The following SBNO1 variants were observed in gnomAD, a reference collection of about 807,000 sequenced individuals.
SBNO1 encodes the protein strawberry notch homolog 1.
A neutral mutation model predicts 173.6 loss-of-function variants in SBNO1; 23 were observed. The ratio of observed to expected loss-of-function variants is 0.13; its 90% CI spans 0.10 to 0.19. The LOEUF (loss-of-function observed/expected upper bound fraction) is 0.19. SBNO1 is among the 10% of genes least tolerant of loss of function. The probability of loss-of-function intolerance (pLI) is 1.00; values close to 1 mark genes in which losing one functional copy is unlikely to be tolerated. For synonymous variants in SBNO1, 632 were observed against 571.5 expected (o/e 1.11, Z -1.51); for missense variants, 1,238 against 1,671.2 (o/e 0.74, Z 4.52).
At chr12:123,364,344 C>G (rs1593437450) in intron 1 of SBNO1, 1 of 985,110 alleles carries the variant, frequency 1.0e-6, no homozygotes, top group East Asian at 1.1e-4. Context: ...AGGCGGAAGC[C>G]AAAGGGGCGA....
At chr12:123,299,829 C>G (rs2048727908) in intron 30 of SBNO1, among the ~76,000 whole-genome samples, 1 of 151,970 alleles carries the variant, frequency 6.6e-6, no homozygotes, top group Admixed American at 6.6e-5. Flanking sequence ...CTCAAGCCCT[C>G]TGTTTAAAAA....
Position 123,340,858 on chromosome 12 carries a change from A to C in SBNO1, c.651+130T>G. 6.2e-6 allele frequency: 4 copies of C among 640,916 alleles called. No individual in the cohort carries two copies. In the South Asian group the frequency reaches 7.2e-5, roughly 12 times the overall value. The allele number at this position is 640,916 out of a possible 1,614,324, so 39.7% of individuals were successfully genotyped here. A position where few individuals can be genotyped will look rare whatever the true frequency, so the allele number is the denominator to read the frequency against. Reference sequence around the variant, plus strand: ...CCAGCGAGGTTTAAGCATATCCATTAGTTCCCACGCCTGTATAGCTTCTTC... The same window carrying C: ...CCAGCGAGGTTTAAGCATATCCATTCGTTCCCACGCCTGTATAGCTTCTTC... On this transcript the variant is annotated intron_variant, in intron 5 of 31. Transcript: ENST00000602398.
chr12:123,343,784 C>T (rs1872808812), intron 4 of SBNO1, among the ~76,000 whole-genome samples: 1 of 152,150 alleles, frequency 6.6e-6, no homozygotes, highest in Non-Finnish European at 1.5e-5. Context: ...GATCCACCCA[C>T]CTTGGGCTCC....
intron 1 of SBNO1, among the ~76,000 whole-genome samples, chr12:123,351,075 T>C (rs1367176291): frequency 2.6e-5 from 4 of 151,998 alleles, no homozygotes; most frequent in African/African-American, 4.8e-5. Context: ...TGAGCCAAGA[T>C]TGTGCCACTG....
chr12:123,317,403 G>A, intron 20 of SBNO1, 47 bp from the exon 21 acceptor site: 1 of 1,573,048 alleles, frequency 6.4e-7, no homozygotes, highest in Non-Finnish European at 8.7e-7. Context: ...ATAAGAACAA[G>A]CAGGCCAGTG....
intron 30 of SBNO1, among the ~76,000 whole-genome samples, 196 bp downstream of exon 30, chr12:123,302,628 T>C (rs754330270): frequency 1.3e-5 from 2 of 152,140 alleles, no homozygotes; most frequent in South Asian, 2.1e-4. Context: ...AAAGCATCAG[T>C]GAAGAGTAAG....
intron 1 of SBNO1, among the ~76,000 whole-genome samples, chr12:123,352,133 T>C (rs1873949580): frequency 6.6e-6 from 1 of 152,224 alleles, no homozygotes. Flanking sequence ...TTCTCATTAA[T>C]TTCCCTGAAA....
chr12:123,343,454 T>C (rs2139048564), intron 4 of SBNO1, among the ~76,000 whole-genome samples: 1 of 152,148 alleles, frequency 6.6e-6, no homozygotes, highest in African/African-American at 2.4e-5. Flanking sequence ...AGTTTCATAT[T>C]TTCAATGTTT....
intron 1 of SBNO1, among the ~76,000 whole-genome samples, chr12:123,359,044 T>G (rs975916054): frequency 6.6e-6 from 1 of 151,534 alleles, no homozygotes; most frequent in Non-Finnish European, 1.5e-5. Context: ...GTGATTCTCC[T>G]GCCTCAGCCT....
chr12:123,359,421 G>A (rs1038265115), intron 1 of SBNO1, among the ~76,000 whole-genome samples: 6 of 151,676 alleles, frequency 4.0e-5, no homozygotes, highest in African/African-American at 1.5e-4. Flanking sequence ...AGGTAGCTGG[G>A]CGTGGTGGCA....
At chr12:123,350,670 A>G (rs577344962) in intron 1 of SBNO1, among the ~76,000 whole-genome samples, 1 of 152,368 alleles carries the variant, frequency 6.6e-6, no homozygotes, top group Non-Finnish European at 1.5e-5. Flanking sequence ...ACAAGTATGC[A>G]TCTACAAAAG....
intron 1 of SBNO1, chr12:123,364,208 G>C (rs1211288339): frequency 5.1e-6 from 5 of 985,500 alleles, no homozygotes; most frequent in Non-Finnish European, 6.0e-6. Context: ...TAGGAAGGAC[G>C]ACCGCGTCGC....
At chr12:123,353,045 G>A (rs569991259) in intron 1 of SBNO1, among the ~76,000 whole-genome samples, 8 of 152,226 alleles carry the variant, frequency 5.3e-5, no homozygotes, top group African/African-American at 1.2e-4. Context: ...CAATCCGTCC[G>A]CCTCGGCTTC....
In SBNO1 at chr12:123,358,398, C is replaced by T. The variant is rs538047482; in HGVS notation, c.-1+6303G>A. On this transcript the variant is annotated intron_variant, in intron 1 of 31. Coordinates refer to ENST00000602398, the MANE Select transcript of SBNO1 (RefSeq NM_001167856.3). ...TTTTTTCTTTTAACCTTCAAGATAA[C>T]CCATGAGTATCAAATGCTACCCATT... Among the ~76,000 whole-genome samples, 11 of 152,270 alleles carry T rather than the reference C, an allele frequency of 7.2e-5. No individual in the cohort carries two copies. The South Asian group carries it at 1.7e-3, about 23-fold the overall frequency.
intron 23 of SBNO1, among the ~76,000 whole-genome samples, chr12:123,314,017 G>C (rs780016599): frequency 6.6e-6 from 1 of 151,940 alleles, no homozygotes; most frequent in Non-Finnish European, 1.5e-5. Flanking sequence ...CTAGGAGGCG[G>C]AGGTTGTAGT....
chr12:123,332,397 T>C (rs1354892215), intron 7 of SBNO1, among the ~76,000 whole-genome samples: 3 of 152,080 alleles, frequency 2.0e-5, no homozygotes, highest in African/African-American at 7.2e-5. Flanking sequence ...GTTCAAGTGA[T>C]TCTCCTGCCT....
Position 123,364,770 on chromosome 12 carries a change from T to C in SBNO1, c.-70A>G. The C allele has an allele frequency of 2.0e-6, 2 of 989,134 alleles. No homozygotes were observed. Among genetic ancestry groups the C allele is most frequent in the Non-Finnish European group, 2.4e-6 (2 of 832,708 alleles). 61.3% of individuals were successfully genotyped at this position (989,134 alleles called of 1,614,324 possible). On this transcript the variant is annotated 5_prime_UTR_variant, in exon 1 of 32. Coordinates refer to ENST00000602398, the MANE Select transcript of SBNO1 (RefSeq NM_001167856.3). ...GTGAGTTTGAAGGACCAGAGGCGAC[T>C]GGAGCGGAGGCGGCGGTGGCGGCGG...
rs63654462 is a variant in SBNO1 at position 123,312,711 on chromosome 12, G to GA, written c.3220+908dup. On this transcript the variant is annotated intron_variant, in intron 24 of 31. Coordinates refer to ENST00000602398, the MANE Select transcript of SBNO1 (RefSeq NM_001167856.3). ...AGGTGACAGCACGAGACCCCGTCTC[G>GA]AAAAAAAAAAAAAGGACATTTCCAA... Among the ~76,000 whole-genome samples, 1,206 of 121,650 alleles carry GA rather than the reference G, an allele frequency of 9.9e-3. 5 individuals carry two copies. The highest frequency in any genetic ancestry group is 0.014 in the Non-Finnish European group (807 of 56,730). 79.8% of individuals were successfully genotyped at this position (121,650 alleles called of 152,430 possible).
intron 28 of SBNO1, among the ~76,000 whole-genome samples, chr12:123,306,370 G>A (rs922422978): frequency 2.0e-5 from 3 of 152,108 alleles, no homozygotes; most frequent in Admixed American, 1.3e-4. Context: ...ATGCAGTGGA[G>A]GTTCAAAGGC....
Sources: gnomAD v4.1 joint callset for allele counts (sites outside exome capture counted in the v4.1 genomes callset) on GRCh38, gnomAD v4.1.1 for gene constraint, MANE v1.5 for transcripts, NCBI Gene and HGNC (gene_info 2026-07-23, HGNC 2026-07-21) for gene names.